CTNNA3: variants seen among roughly 807,000 people sequenced by gnomAD.
The protein encoded by CTNNA3 is catenin alpha-3.
Under a neutral mutation model 95.7 loss-of-function variants are expected in CTNNA3, and 76 were observed. The observed-to-expected ratio is 0.79, with a 90% CI of 0.66 to 0.96. The LOEUF is 0.96. CTNNA3 is among the 40% of genes least tolerant of loss of function. CTNNA3 has a pLI of 0.00. For synonymous variants in CTNNA3, 431 were observed against 374.4 expected, an observed-to-expected ratio of 1.15 and a Z score of -1.74; for missense variants, 1,191 against 1,089.8, an observed-to-expected ratio of 1.09 and a Z score of -1.31.
intron 13 of CTNNA3, among the ~76,000 whole-genome samples, chr10:66,266,089 G>T (rs531402205): frequency 6.7e-6 from 1 of 150,298 alleles, no homozygotes; most frequent in African/African-American, 2.4e-5. Context: ...GAGGAAGGGG[G>T]GGAGAGAAAG....
intron 7 of CTNNA3, among the ~76,000 whole-genome samples, chr10:66,956,575 C>T (rs906399224): frequency 1.3e-5 from 2 of 152,116 alleles, no homozygotes. Context: ...CAGTTCCCTC[C>T]AGTGAAATGT....
intron 14 of CTNNA3, among the ~76,000 whole-genome samples, chr10:66,077,037 A>G (rs2080578229): frequency 6.6e-6 from 1 of 151,838 alleles, no homozygotes; most frequent in Non-Finnish European, 1.5e-5. Flanking sequence ...GAATCTGTGT[A>G]TAAACTGAGT....
chr10:67,150,350 A>C (rs1472362195), intron 7 of CTNNA3, among the ~76,000 whole-genome samples: 1 of 152,170 alleles, frequency 6.6e-6, no homozygotes, highest in Non-Finnish European at 1.5e-5. Flanking sequence ...TATGTAGGAA[A>C]AAAATAAATA....
intron 2 of CTNNA3, among the ~76,000 whole-genome samples, chr10:67,620,220 C>A (rs12262819): frequency 6.6e-6 from 1 of 152,198 alleles, no homozygotes; most frequent in African/African-American, 2.4e-5. Flanking sequence ...TACAAAAGAA[C>A]GCCCCACAAA....
chr10:67,025,939 T>A (rs1418455756), intron 7 of CTNNA3, among the ~76,000 whole-genome samples: 1 of 148,850 alleles, frequency 6.7e-6, no homozygotes, highest in Admixed American at 6.6e-5. Flanking sequence ...TAAAAAATGA[T>A]GAGTTCATGT....
At chr10:66,853,549 G>A (rs1843573734) in intron 7 of CTNNA3, among the ~76,000 whole-genome samples, 1 of 152,024 alleles carries the variant, frequency 6.6e-6, no homozygotes, top group Non-Finnish European at 1.5e-5. Context: ...ACAAACCAAT[G>A]AGCAAGATAC....
chr10:66,851,586 CTGTT>C (rs1843489963), intron 7 of CTNNA3, among the ~76,000 whole-genome samples: 1 of 134,350 alleles, frequency 7.4e-6, no homozygotes, highest in Admixed American at 7.4e-5. Flanking sequence ...TGAGATCTGG[CTGTT>C]TAAGTGTGTG....
intron 5 of CTNNA3, among the ~76,000 whole-genome samples, chr10:67,456,938 C>A (rs1042058086): frequency 3.3e-5 from 5 of 151,898 alleles, no homozygotes; most frequent in African/African-American, 1.2e-4. Flanking sequence ...AACAAACAAA[C>A]AAAAAAACAT....
intron 15 of CTNNA3, among the ~76,000 whole-genome samples, chr10:66,044,961 T>G (rs16922420): frequency 0.051 from 7,595 of 147,708 alleles, 241 homozygotes; most frequent in East Asian, 0.17. Context: ...ACAGTTAGCC[T>G]CTAATGACAA....
intron 12 of CTNNA3, among the ~76,000 whole-genome samples, chr10:66,297,684 C>T (rs997785145): frequency 1.4e-4 from 21 of 152,148 alleles, no homozygotes; most frequent in Admixed American, 7.9e-4. Flanking sequence ...TTATTGTCTA[C>T]GTAATCATGC....
chr10:67,059,342 G>A (rs1411481358), intron 7 of CTNNA3, among the ~76,000 whole-genome samples: 6 of 152,050 alleles, frequency 3.9e-5, no homozygotes, highest in Non-Finnish European at 8.8e-5. Flanking sequence ...CAGAGAAAAA[G>A]CAAAATAATA....
At chr10:66,143,438 C>T (rs2083717584) in intron 13 of CTNNA3, among the ~76,000 whole-genome samples, 1 of 152,132 alleles carries the variant, frequency 6.6e-6, no homozygotes, top group Middle Eastern at 3.2e-3. Flanking sequence ...TAAAGTAAAA[C>T]TGTCACTTTC....
At chr10:66,992,538 T>A (rs910643328) in intron 7 of CTNNA3, among the ~76,000 whole-genome samples, 4 of 148,182 alleles carry the variant, frequency 2.7e-5, no homozygotes, top group Admixed American at 2.0e-4. Context: ...TGTCCTTTAC[T>A]TTTTTTTTAA....
At position 66,433,457 on chromosome 10, in the gene CTNNA3, G is replaced by A. The variant is rs572846298; in HGVS notation, c.1532-54105C>T. Among the ~76,000 whole-genome samples the A allele has an allele frequency of 5.9e-5, 9 of 152,258 alleles. No individual in the cohort carries two copies. The South Asian group carries it at 1.9e-3, about 32-fold the overall frequency. ...GCATAAATGTCTTCTTTTGAGAAGT[G>A]TCTGTTCATATCCTTTGCCCACTTT... On this transcript the variant is annotated intron_variant, in intron 11 of 17. Coordinates refer to ENST00000433211, the MANE Select transcript of CTNNA3 (RefSeq NM_013266.4).
chr10:67,590,288 G>C (rs540201431), intron 3 of CTNNA3, among the ~76,000 whole-genome samples: 1 of 152,168 alleles, frequency 6.6e-6, no homozygotes, highest in East Asian at 1.9e-4. Flanking sequence ...TAATTCAAAT[G>C]TTTTCTGCTT....
intron 7 of CTNNA3, among the ~76,000 whole-genome samples, chr10:67,117,637 A>G (rs1859250441): frequency 6.6e-6 from 1 of 152,084 alleles, no homozygotes; most frequent in Non-Finnish European, 1.5e-5. Flanking sequence ...ATGAACATTC[A>G]AGTATTTCAT....
At chr10:66,894,362 A>T (rs1845393145) in intron 7 of CTNNA3, among the ~76,000 whole-genome samples, 1 of 152,046 alleles carries the variant, frequency 6.6e-6, no homozygotes. Flanking sequence ...CTGTTTCTTT[A>T]AGTTGCTTGT....
Position 66,927,712 on chromosome 10 carries a change from G to C in CTNNA3, c.1048-152188C>G. ...GCTTGATTTATCAGGCAATGAGATC[G>C]AAGCTTTCAGTGGACCCAGTGTTTT... On this transcript the variant is annotated intron_variant, in intron 7 of 17. Coordinates refer to ENST00000433211, the MANE Select transcript of CTNNA3 (RefSeq NM_013266.4). This position sits in a 1 kb window ranked among gnomAD's most constrained non-coding sequence, Gnocchi z 4.7. 6.2e-7 allele frequency: 1 copy of C among 1,614,146 alleles called. No homozygotes were observed. The highest frequency in any genetic ancestry group is 8.5e-7 in the Non-Finnish European group (1 of 1,180,040).
At chr10:67,096,009 G>A (rs1857968738) in intron 7 of CTNNA3, among the ~76,000 whole-genome samples, 1 of 151,654 alleles carries the variant, frequency 6.6e-6, no homozygotes, top group Non-Finnish European at 1.5e-5. Flanking sequence ...TTTAAAGTAT[G>A]TGATATCTTT....
Sources: allele counts gnomAD v4.1 joint callset (sites outside exome capture counted in the v4.1 genomes callset), GRCh38; gene constraint gnomAD v4.1.1; non-coding constraint Gnocchi (gnomAD v3.1); transcripts MANE v1.5; gene names NCBI Gene and HGNC (gene_info 2026-07-23, HGNC 2026-07-21).